Variants in MYO3B observed in about 807,000 individuals in gnomAD.
The protein encoded by MYO3B is myosin-IIIb.
MYO3B carries 156 observed loss-of-function variants against 174.6 expected under a neutral mutation model. The observed-to-expected ratio is 0.89, with a 90% CI of 0.78 to 1.02. MYO3B has a LOEUF of 1.02. Ranked by LOEUF, MYO3B falls within the 50% of genes least tolerant of loss-of-function variation. MYO3B has a pLI of 0.00. For missense variants in MYO3B, 1,632 were observed against 1,639.4 expected (o/e 1.00, Z 0.08); for synonymous variants, 563 against 569.1 (o/e 0.99, Z 0.15).
chr2:170,572,732 A>C (rs1692523002), intron 32 of MYO3B, among the ~76,000 whole-genome samples: 1 of 152,028 alleles, frequency 6.6e-6, no homozygotes, highest in Non-Finnish European at 1.5e-5. Flanking sequence ...CAGATATTCC[A>C]CTGGATAATC....
intron 7 of MYO3B, among the ~76,000 whole-genome samples, chr2:170,253,985 C>T (rs548846952): frequency 3.9e-5 from 6 of 152,170 alleles, no homozygotes; most frequent in African/African-American, 1.2e-4. Flanking sequence ...TAAATCATCA[C>T]ACTTTGAACA....
chr2:170,274,102 GA>G (rs2093445450), intron 7 of MYO3B, among the ~76,000 whole-genome samples: 1 of 152,080 alleles, frequency 6.6e-6, no homozygotes, highest in African/African-American at 2.4e-5. Flanking sequence ...GAGAGAGAGA[GA>G]GAGAGATCAA....
At chr2:170,401,096 CAACA>C (rs2094473244) in intron 17 of MYO3B, among the ~76,000 whole-genome samples, 1 of 152,106 alleles carries the variant, frequency 6.6e-6, no homozygotes, top group African/African-American at 2.4e-5. Flanking sequence ...CAAATATGAA[CAACA>C]AACAAACAAA....
intron 29 of MYO3B, among the ~76,000 whole-genome samples, chr2:170,518,648 A>G (rs964034168): frequency 6.6e-6 from 1 of 152,184 alleles, no homozygotes; most frequent in African/African-American, 2.4e-5. Flanking sequence ...TCAAAATTTA[A>G]CATGGATCAA....
intron 22 of MYO3B, among the ~76,000 whole-genome samples, chr2:170,413,582 G>A (rs1364181438): frequency 6.6e-6 from 1 of 152,168 alleles, no homozygotes; most frequent in Non-Finnish European, 1.5e-5. Flanking sequence ...CCACGGTGTT[G>A]TGTGTATATC....
At chr2:170,538,657 G>C (rs1689881002) in intron 30 of MYO3B, among the ~76,000 whole-genome samples, 1 of 152,172 alleles carries the variant, frequency 6.6e-6, no homozygotes, top group Admixed American at 6.5e-5. Flanking sequence ...GGCTTTTTCA[G>C]GACAGATGCC....
At chr2:170,415,866 T>G (rs114428457) in intron 22 of MYO3B, among the ~76,000 whole-genome samples, 3,273 of 152,304 alleles carry the variant, frequency 0.021, 48 homozygotes, top group Non-Finnish European at 0.032. Context: ...GATGTGGTTG[T>G]TCTTATCAAC....
At chr2:170,546,723 G>A (rs1690517858) in intron 32 of MYO3B, among the ~76,000 whole-genome samples, 1 of 152,154 alleles carries the variant, frequency 6.6e-6, no homozygotes, top group Non-Finnish European at 1.5e-5. Context: ...AACATTTTTA[G>A]CAAATTATAC....
intron 7 of MYO3B, among the ~76,000 whole-genome samples, chr2:170,312,023 T>A (rs1279175539): frequency 6.6e-6 from 1 of 152,244 alleles, no homozygotes; most frequent in Non-Finnish European, 1.5e-5. Context: ...GGTGTTGAAA[T>A]AAGAAAGTGT....
chr2:170,208,198 G>A (rs773686002), intron 3 of MYO3B, among the ~76,000 whole-genome samples: 2 of 152,156 alleles, frequency 1.3e-5, no homozygotes, highest in Non-Finnish European at 1.5e-5. Flanking sequence ...CTAGGGCTTT[G>A]ACCTGAAGCT....
At position 170,651,675 on chromosome 2, in the gene MYO3B, T is replaced by C. The variant is rs1261556347; in HGVS notation, c.3781T>C (p.Cys1261Arg). 1 of 1,614,038 alleles carries C rather than the reference T, an allele frequency of 6.2e-7. No individual in the cohort carries two copies. The highest frequency in any genetic ancestry group is 8.5e-7 in the Non-Finnish European group (1 of 1,180,024). The change falls in exon 33 of 35, where the codon TGT becomes CGT. Residue 1261 changes from cysteine to arginine, a missense_variant. Cys to Arg is a radical substitution (Grantham distance 180). Coordinates refer to ENST00000408978, the MANE Select transcript of MYO3B (RefSeq NM_138995.5). ...AQKHRTPRRRCQQPKMLSSPE... is the reference protein window; with the variant it reads ...AQKHRTPRRRRQQPKMLSSPE... ...GAAGCATCGAACACCTCGCCGACGA[T>C]GTCAGCAGCCCAAAATGCTGAGTAG...
At chr2:170,642,428 T>C (rs1698047026) in intron 32 of MYO3B, among the ~76,000 whole-genome samples, 1 of 152,164 alleles carries the variant, frequency 6.6e-6, no homozygotes, top group Non-Finnish European at 1.5e-5. Flanking sequence ...ACATGGCAAG[T>C]GGGAAAATTT....
rs113675976 is a variant in MYO3B at position 170,413,817 on chromosome 2, A to G, written c.2650+5973A>G. Among the ~76,000 whole-genome samples, 47 of 152,146 alleles carry G rather than the reference A, an allele frequency of 3.1e-4. 1 individual carries two copies. Among genetic ancestry groups the G allele is most frequent in the African/African-American group, 1.1e-3 (47 of 41,530 alleles). On this transcript the variant is annotated intron_variant, in intron 22 of 34. Transcript: ENST00000408978. ...CACTTTGGGAGGCCGAGGCGGGTGG[A>G]TCACGAGGTCAGGAGATCAAGACCA...
intron 30 of MYO3B, among the ~76,000 whole-genome samples, chr2:170,535,041 T>C (rs1333503921): frequency 1.3e-5 from 2 of 152,180 alleles, no homozygotes; most frequent in Non-Finnish European, 2.9e-5. Context: ...ATACTTTCTA[T>C]CCCCCTTCCC....
At chr2:170,372,118 CAAAA>C (rs769243145) in intron 9 of MYO3B, among the ~76,000 whole-genome samples, 6 of 22,216 alleles carry the variant, frequency 2.7e-4, no homozygotes, top group African/African-American at 6.2e-4. Context: ...GACCCTGTCT[CAAAA>C]AAAAAAAAAA....
chr2:170,582,187 C>T (rs1242112724), intron 32 of MYO3B, among the ~76,000 whole-genome samples: 7 of 152,224 alleles, frequency 4.6e-5, no homozygotes, highest in Non-Finnish European at 8.8e-5. Flanking sequence ...ATGATGGCTA[C>T]AGACGCACTA....
intron 7 of MYO3B, among the ~76,000 whole-genome samples, chr2:170,242,423 G>A (rs772555076): frequency 6.6e-5 from 10 of 152,114 alleles, no homozygotes; most frequent in South Asian, 2.1e-4. Context: ...CTCCCTTTCC[G>A]TGGGAACCCA....
intron 25 of MYO3B, among the ~76,000 whole-genome samples, chr2:170,475,232 G>A (rs781053204): frequency 1.3e-5 from 2 of 152,090 alleles, no homozygotes; most frequent in Non-Finnish European, 2.9e-5. Flanking sequence ...CTTTCGCAGG[G>A]TCTCTTCTCT....
At chr2:170,282,852 C>T (rs930641399) in intron 7 of MYO3B, among the ~76,000 whole-genome samples, 1 of 152,098 alleles carries the variant, frequency 6.6e-6, no homozygotes, top group African/African-American at 2.4e-5. Flanking sequence ...TCGGTGATAG[C>T]CACCTCAGGC....
Sources: gnomAD v4.1 joint callset for allele counts (sites outside exome capture counted in the v4.1 genomes callset) on GRCh38, gnomAD v4.1.1 for gene constraint, MANE v1.5 for transcripts, NCBI Gene and HGNC (gene_info 2026-07-23, HGNC 2026-07-21) for gene names.